Variants in SERINC5 observed in about 807,000 individuals in gnomAD.
The protein encoded by SERINC5 is chromosome 5 open reading frame 12.
SERINC5 carries 41 observed loss-of-function variants against 63.1 expected under a neutral mutation model. That is an observed-to-expected ratio of 0.65 (90% CI 0.51 to 0.84). SERINC5 has a LOEUF of 0.84. Among genes scored for constraint, SERINC5 ranks in the 40% least tolerant of loss-of-function variants. The probability of loss-of-function intolerance (pLI) is 0.00; values close to 1 mark genes in which losing one functional copy is unlikely to be tolerated. For synonymous variants in SERINC5, 222 were observed against 215.2 expected (o/e 1.03, Z -0.28); for missense variants, 523 against 573.0 (o/e 0.91, Z 0.89).
intron 12 of SERINC5, among the ~76,000 whole-genome samples, chr5:80,112,602 T>C (rs966457778): frequency 6.6e-6 from 1 of 152,046 alleles, no homozygotes; most frequent in African/African-American, 2.4e-5. Flanking sequence ...CAGTCTCTCG[T>C]CCCACCTGAC....
At position 80,141,470 on chromosome 5, in the gene SERINC5, C is replaced by T. The variant is rs1745500922; in HGVS notation, c.*2193G>A. ...TTGACTGCGCGTAAGGTCAGTTTCTCAAATCACACCAGCTGGCAGCCAGAC... is the reference window on the plus strand; with the variant it reads ...TTGACTGCGCGTAAGGTCAGTTTCTTAAATCACACCAGCTGGCAGCCAGAC... On this transcript the variant is annotated 3_prime_UTR_variant, in exon 12 of 12. Coordinates refer to ENST00000507668, the MANE Select transcript of SERINC5 (RefSeq NM_001174072.3). The T allele has an allele frequency of 1.0e-6, 1 of 955,092 alleles. No homozygotes were observed. Among genetic ancestry groups the T allele is most frequent in the Admixed American group, 6.5e-5 (1 of 15,276 alleles). 59.2% of individuals were successfully genotyped at this position (955,092 alleles called of 1,614,324 possible). A position where few individuals can be genotyped will look rare whatever the true frequency, so the allele number is the denominator to read the frequency against.
At chr5:80,221,716 C>T (rs1750913430) in intron 1 of SERINC5, among the ~76,000 whole-genome samples, 1 of 151,800 alleles carries the variant, frequency 6.6e-6, no homozygotes, top group South Asian at 2.1e-4. Flanking sequence ...TAATTTGCTA[C>T]CCACCATATA....
In SERINC5 at chr5:80,255,700, C is replaced by A. The variant is rs560090467; in HGVS notation, c.27+196G>T. Among the ~76,000 whole-genome samples, 170 of 152,292 alleles carry A rather than the reference C, an allele frequency of 1.1e-3. 1 individual carries two copies. Among genetic ancestry groups the A allele is most frequent in the African/African-American group, 3.9e-3 (164 of 41,582 alleles). ...ACCCCGGGGTAGCCTCTCGGGCTTC[C>A]CCCTGCCCCTTCCCGCCCGCCCAGG... On this transcript the variant is annotated intron_variant, in intron 1 of 11. Transcript: ENST00000507668.
chr5:80,113,305 CTTT>C (rs1447339304), intron 12 of SERINC5, among the ~76,000 whole-genome samples: 2 of 152,128 alleles, frequency 1.3e-5, no homozygotes, highest in Non-Finnish European at 2.9e-5. Flanking sequence ...CCATTATCTT[CTTT>C]TATTTTTTCC....
In SERINC5 at chr5:80,160,162, C is replaced by T. The variant is rs118042388; in HGVS notation, c.860-1200G>A. Among the ~76,000 whole-genome samples the T allele has an allele frequency of 2.8e-3, 431 of 152,204 alleles. 19 individuals are homozygous for T. The East Asian group carries it at 0.065, about 23-fold the overall frequency. ...TGACCTTATCTCCAGGTAGAGCATC[C>T]GAATTGGATTGGAGGACACCCAACT... On this transcript the variant is annotated intron_variant, in intron 7 of 11. Coordinates refer to ENST00000507668, the MANE Select transcript of SERINC5 (RefSeq NM_001174072.3).
At chr5:80,118,790 T>C (rs557816171) in intron 11 of SERINC5, among the ~76,000 whole-genome samples, 87 of 145,488 alleles carry the variant, frequency 6.0e-4, no homozygotes, top group African/African-American at 2.2e-3. Context: ...CTCGCACTCC[T>C]GGCCTCAAGC....
intron 11 of SERINC5, chr5:80,128,259 T>C (rs1744818675): frequency 6.6e-6 from 1 of 152,202 alleles, no homozygotes; most frequent in Admixed American, 6.5e-5. Flanking sequence ...AAACATGCAA[T>C]GAATTTTTCT....
chr5:80,234,349 G>A (rs1258847951), intron 1 of SERINC5, among the ~76,000 whole-genome samples: 2 of 152,068 alleles, frequency 1.3e-5, no homozygotes, highest in African/African-American at 4.8e-5. Context: ...CTACACTTAA[G>A]AAAAATCTAC....
At chr5:80,229,243 C>CT (rs1342496913) in intron 1 of SERINC5, among the ~76,000 whole-genome samples, 1 of 151,592 alleles carries the variant, frequency 6.6e-6, no homozygotes, top group Non-Finnish European at 1.5e-5. Context: ...AGGCTGGTCT[C>CT]TAACTGCTGA....
At chr5:80,155,610 G>GAGAA (rs1011808513) in intron 8 of SERINC5, among the ~76,000 whole-genome samples, 1,696 of 149,052 alleles carry the variant, frequency 0.011, 40 homozygotes, top group African/African-American at 0.04. Context: ...GAGAGAGAGA[G>GAGAA]AAAACCATCA....
rs1336791599 is a variant in SERINC5 at position 80,140,038 on chromosome 5, G to A, written c.*3625C>T. 36 of 985,144 alleles carry A rather than the reference G, an allele frequency of 3.7e-5. No homozygotes were observed. Among genetic ancestry groups the A allele is most frequent in the Non-Finnish European group, 3.9e-5 (32 of 829,900 alleles). The allele number at this position is 985,144 out of a possible 1,614,324, so 61.0% of individuals were successfully genotyped here. On this transcript the variant is annotated 3_prime_UTR_variant, in exon 12 of 12. Transcript: ENST00000507668. The stretch of plus-strand genomic sequence containing the variant: ...TAAATAAATACATCATCTTAAAAAG[G>A]CAGAGGGTAGGCTGCGTGCAGTGGT...
At chr5:80,116,833 C>CTT (rs780853184) in intron 11 of SERINC5, among the ~76,000 whole-genome samples, 8 of 143,362 alleles carry the variant, frequency 5.6e-5, no homozygotes, top group African/African-American at 1.5e-4. Context: ...CTGGAGAGCT[C>CTT]TTTTTTTTTT....
At chr5:80,151,581 G>C (rs1243051372) in intron 8 of SERINC5, among the ~76,000 whole-genome samples, 1 of 152,220 alleles carries the variant, frequency 6.6e-6, no homozygotes, top group Non-Finnish European at 1.5e-5. Flanking sequence ...CTGAGAGGAA[G>C]GGGTGGAAGG....
intron 1 of SERINC5, among the ~76,000 whole-genome samples, chr5:80,214,323 G>A (rs1580176810): frequency 6.6e-6 from 1 of 152,246 alleles, no homozygotes; most frequent in East Asian, 1.9e-4. Flanking sequence ...AATTATGAGT[G>A]ACTATGCTCT....
At chr5:80,168,004 G>T (rs537979056) in intron 6 of SERINC5, among the ~76,000 whole-genome samples, 1 of 152,040 alleles carries the variant, frequency 6.6e-6, no homozygotes, top group Non-Finnish European at 1.5e-5. Flanking sequence ...AGCACCTAAT[G>T]GTATTAAACC....
chr5:80,229,845 A>G (rs941795768), intron 1 of SERINC5, among the ~76,000 whole-genome samples: 2 of 152,226 alleles, frequency 1.3e-5, no homozygotes, highest in Non-Finnish European at 2.9e-5. Flanking sequence ...CAAAACAGAG[A>G]CAACAGTAGT....
chr5:80,205,341 G>A (rs76978711), intron 1 of SERINC5, among the ~76,000 whole-genome samples: 13,172 of 152,196 alleles, frequency 0.087, 647 homozygotes, highest in East Asian at 0.15. Context: ...ATAACACCTC[G>A]GACAACATGA....
Position 80,169,481 on chromosome 5 carries a change from T to A in SERINC5, c.617A>T (p.Tyr206Phe). The A allele has an allele frequency of 6.2e-7, 1 of 1,613,952 alleles. No homozygotes were observed. The highest frequency in any genetic ancestry group is 1.6e-4 in the Middle Eastern group (1 of 6,062). Reference sequence around the variant, plus strand: ...AACCAAGCCTCCAGTGGCAATGGAATACATGATGAGCGTCACCAGGGCCAG... The same window carrying A: ...AACCAAGCCTCCAGTGGCAATGGAAAACATGATGAGCGTCACCAGGGCCAG... ...ASLALVTLIM[Y>F]SIATGGLVLM... The change falls in exon 6 of 12, where the codon TAT becomes TTT. Residue 206 changes from tyrosine (Y) to phenylalanine (F), a missense_variant. By Grantham distance (22) the Tyr-to-Phe change is conservative. Coordinates refer to ENST00000507668, the MANE Select transcript of SERINC5 (RefSeq NM_001174072.3).
At chr5:80,225,150 A>T (rs1391183382) in intron 1 of SERINC5, among the ~76,000 whole-genome samples, 1 of 152,146 alleles carries the variant, frequency 6.6e-6, no homozygotes, top group Non-Finnish European at 1.5e-5. Flanking sequence ...CATGTTGCCC[A>T]GTCTGGTCTC....
Sources: gnomAD v4.1 joint callset for allele counts (sites outside exome capture counted in the v4.1 genomes callset) on GRCh38, gnomAD v4.1.1 for gene constraint, MANE v1.5 for transcripts, NCBI Gene and HGNC (gene_info 2026-07-23, HGNC 2026-07-21) for gene names.